Variants in SYNPO2 observed in about 807,000 individuals in gnomAD.
SYNPO2 encodes synaptopodin 2.
Under a neutral mutation model 85.0 loss-of-function variants are expected in SYNPO2, and 56 were observed. That is an observed-to-expected ratio of 0.66 (90% CI 0.53 to 0.82). The LOEUF (loss-of-function observed/expected upper bound fraction) is 0.82, where lower values mean the gene tolerates loss of function less well. Among genes scored for constraint, SYNPO2 ranks in the 40% least tolerant of loss-of-function variants. The pLI, the probability that SYNPO2 is intolerant of heterozygous loss-of-function variation, is 0.00. For missense variants in SYNPO2, 1,575 were observed against 1,534.2 expected, an observed-to-expected ratio of 1.03 and a Z score of -0.44; for synonymous variants, 602 against 591.1, an observed-to-expected ratio of 1.02 and a Z score of -0.27.
intron 1 of SYNPO2, among the ~76,000 whole-genome samples, chr4:118,993,324 A>G (rs1436362128): frequency 1.3e-5 from 2 of 152,166 alleles, no homozygotes; most frequent in Non-Finnish European, 2.9e-5. Context: ...GACGGTGAGG[A>G]TTAGCCATTG....
chr4:118,917,391 C>T (rs781696080), intron 1 of SYNPO2, among the ~76,000 whole-genome samples: 1 of 151,776 alleles, frequency 6.6e-6, no homozygotes, highest in Middle Eastern at 3.4e-3. Flanking sequence ...AACTCCATCT[C>T]GAACAGAAAA....
intron 1 of SYNPO2, among the ~76,000 whole-genome samples, chr4:118,966,454 A>G (rs1735320949): frequency 6.6e-6 from 1 of 152,196 alleles, no homozygotes; most frequent in Non-Finnish European, 1.5e-5. Flanking sequence ...CAGCTCCCCC[A>G]CTTACCCTTG....
intron 1 of SYNPO2, among the ~76,000 whole-genome samples, chr4:118,876,722 T>TGCC (rs1731932546): frequency 6.9e-6 from 1 of 144,314 alleles, no homozygotes; most frequent in Non-Finnish European, 1.5e-5. Context: ...TCTTTCTTTC[T>TGCC]TTCTTTCTTT....
chr4:119,032,520 T>C (rs996596301), intron 4 of SYNPO2: 4 of 1,007,918 alleles, frequency 4.0e-6, no homozygotes, highest in Non-Finnish European at 4.8e-6. Flanking sequence ...GAATAAGGAA[T>C]CTATGAAGGA....
intron 1 of SYNPO2, among the ~76,000 whole-genome samples, chr4:118,879,384 C>A (rs904147665): frequency 6.6e-6 from 1 of 152,128 alleles, no homozygotes; most frequent in African/African-American, 2.4e-5. Context: ...TCCTAAATCC[C>A]CAGTGTATAT....
chr4:118,911,396 T>G (rs1733131431), intron 1 of SYNPO2, among the ~76,000 whole-genome samples: 1 of 152,210 alleles, frequency 6.6e-6, no homozygotes, highest in South Asian at 2.1e-4. Flanking sequence ...AAACTCCAGA[T>G]GTACGTCTGA....
chr4:118,908,207 T>C lies in SYNPO2; in HGVS notation c.105+19066T>C, dbSNP rs141723075. Among the ~76,000 whole-genome samples, 851 of 152,294 alleles carry C rather than the reference T, an allele frequency of 5.6e-3. 12 individuals carry two copies. Among genetic ancestry groups the C allele is most frequent in the African/African-American group, 0.019 (798 of 41,572 alleles). On this transcript the variant is annotated intron_variant, in intron 1 of 4. Coordinates refer to ENST00000307142, the MANE Select transcript of SYNPO2 (RefSeq NM_133477.3). Reference sequence around the variant, plus strand: ...ATAAATGATGGCTTTCTTAAAATTATTTCCTTTCTTTTATTTTATATTTTT... The same window carrying C: ...ATAAATGATGGCTTTCTTAAAATTACTTCCTTTCTTTTATTTTATATTTTT...
At chr4:119,006,981 G>A (rs62327850) in intron 1 of SYNPO2, among the ~76,000 whole-genome samples, 6 of 150,906 alleles carry the variant, frequency 4.0e-5, no homozygotes, top group Non-Finnish European at 5.9e-5. Context: ...TTTATTTTAC[G>A]GTTGTTTTCA....
intron 1 of SYNPO2, among the ~76,000 whole-genome samples, chr4:118,852,814 C>G (rs963274994): frequency 1.3e-5 from 2 of 152,150 alleles, no homozygotes; most frequent in South Asian, 4.1e-4. Flanking sequence ...CAACAAACCC[C>G]ATTACACAAG....
At chr4:118,987,002 C>A (rs1975841) in intron 1 of SYNPO2, among the ~76,000 whole-genome samples, 1 of 151,908 alleles carries the variant, frequency 6.6e-6, no homozygotes, top group African/African-American at 2.4e-5. Context: ...ACTCAATAAA[C>A]CAACACAGTT....
At chr4:118,931,725 G>T (rs545865975) in intron 1 of SYNPO2, among the ~76,000 whole-genome samples, 4 of 152,254 alleles carry the variant, frequency 2.6e-5, no homozygotes, top group South Asian at 4.2e-4. Context: ...CTACCGACCT[G>T]TATACAATTA....
intron 1 of SYNPO2, among the ~76,000 whole-genome samples, chr4:118,899,654 C>A (rs1732653455): frequency 6.6e-6 from 1 of 152,104 alleles, no homozygotes; most frequent in Admixed American, 6.5e-5. Context: ...GCAATTTGAC[C>A]AGTAGATTTT....
At position 118,889,011 on chromosome 4, in the gene SYNPO2, T is replaced by C. The variant is rs764847586; in HGVS notation, c.-26T>C. The C allele has an allele frequency of 6.2e-7, 1 of 1,612,226 alleles. No individual in the cohort carries two copies. The highest frequency in any genetic ancestry group is 1.7e-5 in the Admixed American group (1 of 59,992). On this transcript the variant is annotated 5_prime_UTR_variant, in exon 1 of 5. Coordinates refer to ENST00000307142, the MANE Select transcript of SYNPO2 (RefSeq NM_133477.3). ...AGCTTCGTCTGTCTCGTCAAGCTCT[T>C]CATGCTGCCCAACTAAAAGGAAAAC...
At chr4:118,861,531 A>T (rs1249022157) in intron 1 of SYNPO2, among the ~76,000 whole-genome samples, 1 of 152,086 alleles carries the variant, frequency 6.6e-6, no homozygotes, top group Non-Finnish European at 1.5e-5. Context: ...AAGGTGAGAG[A>T]TACAGGTCTA....
chr4:119,030,676 G>A lies in SYNPO2; in HGVS notation c.1901G>A (p.Arg634Lys). Reference protein sequence around the residue: ...AVTPPPDAFSRGVSSPIAGPA... With the variant: ...AVTPPPDAFSKGVSSPIAGPA... ...ACTCCTCCCCCTGACGCCTTCTCCA[G>A]AGGGGTTTCAAGTCCGATTGCTGGC... Residue 634 changes from arginine to lysine, a missense_variant, in exon 4 of 5, where the codon AGA (arginine) becomes AAA (lysine). Coordinates refer to ENST00000307142, the MANE Select transcript of SYNPO2 (RefSeq NM_133477.3). 1 of 1,614,162 alleles carries A rather than the reference G, an allele frequency of 6.2e-7. No homozygotes were observed. The highest frequency in any genetic ancestry group is 8.5e-7 in the Non-Finnish European group (1 of 1,180,030).
Position 119,027,294 on chromosome 4 carries a change from G to T in SYNPO2, c.925G>T (p.Asp309Tyr). Residue 309 changes from aspartate to tyrosine, a missense_variant, in exon 3 of 5, where the codon GAT becomes TAT. This residue lies in a region of SYNPO2 where 1,508 missense variants were observed against 1,446.8 expected (regional missense o/e 1.04). Coordinates refer to ENST00000307142, the MANE Select transcript of SYNPO2 (RefSeq NM_133477.3). ...CRLQAGKECV[D>Y]SPVEGGQSEA... The stretch of plus-strand genomic sequence containing the variant: ...GCTTCAGGCAGGAAAGGAGTGTGTG[G>T]ATTCTCCAGTGGAAGGAGGGCAGTC... The T allele has an allele frequency of 6.2e-7, 1 of 1,614,136 alleles. No homozygotes were observed.
chr4:118,888,853 C>G (rs1034826946), upstream of SYNPO2: 4 of 636,466 alleles, frequency 6.3e-6, no homozygotes, highest in Non-Finnish European at 1.1e-5. Flanking sequence ...GCCCATTAGC[C>G]GCACAAATTC....
intron 1 of SYNPO2, among the ~76,000 whole-genome samples, chr4:118,911,565 AAAGTTTCTTGGC>A (rs1733138625): frequency 6.6e-6 from 1 of 152,152 alleles, no homozygotes; most frequent in South Asian, 2.1e-4. Flanking sequence ...TGCATGCATA[AAAGTTTCTTGGC>A]AAGTTCCCAT....
chr4:118,947,877 A>G (rs1053606396), intron 1 of SYNPO2, among the ~76,000 whole-genome samples: 1 of 152,218 alleles, frequency 6.6e-6, no homozygotes, highest in Non-Finnish European at 1.5e-5. Context: ...TGACTTAAAT[A>G]ATAATGAGTA....
Sources: gnomAD v4.1 joint callset for allele counts (sites outside exome capture counted in the v4.1 genomes callset) on GRCh38, gnomAD v4.1.1 for gene constraint, gnomAD v4.1.1 regional missense constraint, MANE v1.5 for transcripts, NCBI Gene and HGNC (gene_info 2026-07-23, HGNC 2026-07-21) for gene names.